The following PRKG1 variants were observed in gnomAD, a reference collection of about 807,000 sequenced individuals.
The protein encoded by PRKG1 is protein kinase cGMP-dependent 1.
PRKG1 carries 35 observed loss-of-function variants against 88.1 expected under a neutral mutation model. The observed-to-expected ratio is 0.40, with a 90% CI of 0.30 to 0.53. The LOEUF (loss-of-function observed/expected upper bound fraction) is 0.53, where lower values mean the gene tolerates loss of function less well. Among genes scored for constraint, PRKG1 ranks in the 20% least tolerant of loss-of-function variants. The pLI, the probability that PRKG1 is intolerant of heterozygous loss-of-function variation, is 0.59. For missense variants in PRKG1, 540 were observed against 839.8 expected (o/e 0.64, Z 4.41); for synonymous variants, 303 against 292.5 (o/e 1.04, Z -0.37).
At chr10:52,011,854 G>C (rs961109762) in intron 5 of PRKG1, among the ~76,000 whole-genome samples, 6 of 152,136 alleles carry the variant, frequency 3.9e-5, no homozygotes, top group African/African-American at 1.4e-4. Flanking sequence ...CTGTTCTCGT[G>C]ATAGTGAATG....
intron 5 of PRKG1, among the ~76,000 whole-genome samples, chr10:51,933,125 T>C (rs1842729560): frequency 6.6e-6 from 1 of 152,126 alleles, no homozygotes. Flanking sequence ...GTGCGGACTA[T>C]ACTGTGTTTC....
intron 7 of PRKG1, among the ~76,000 whole-genome samples, chr10:52,097,383 A>T (rs1025346422): frequency 1.3e-5 from 2 of 152,132 alleles, no homozygotes; most frequent in Admixed American, 1.3e-4. Context: ...GTAACTATTC[A>T]GTAGAATATA....
chr10:51,939,510 T>C (rs1842861422), intron 5 of PRKG1, among the ~76,000 whole-genome samples: 1 of 152,048 alleles, frequency 6.6e-6, no homozygotes, highest in African/African-American at 2.4e-5. Flanking sequence ...TGCTTCTTTA[T>C]ACCATATTAT....
At chr10:51,656,047 C>T (rs1840153233) in intron 3 of PRKG1, among the ~76,000 whole-genome samples, 2 of 152,062 alleles carry the variant, frequency 1.3e-5, no homozygotes. Flanking sequence ...AGAATGTAAG[C>T]AACATCTAGG....
intron 3 of PRKG1, among the ~76,000 whole-genome samples, chr10:51,615,980 A>C (rs939961376): frequency 1.3e-5 from 2 of 152,010 alleles, no homozygotes; most frequent in Admixed American, 1.3e-4. Flanking sequence ...GTAGGGCAGG[A>C]CTTTTTCCTG....
At chr10:52,195,790 A>G (rs905768144) in intron 9 of PRKG1, among the ~76,000 whole-genome samples, 3 of 152,106 alleles carry the variant, frequency 2.0e-5, no homozygotes, top group Non-Finnish European at 4.4e-5. Context: ...TGAATTAATT[A>G]TATTTATGGA....
At chr10:51,004,206 A>G (rs554536497) in intron 1 of PRKG1, among the ~76,000 whole-genome samples, 2 of 152,280 alleles carry the variant, frequency 1.3e-5, no homozygotes, top group East Asian at 1.9e-4. Context: ...GCTCATGCCT[A>G]TAATACCAGC....
intron 2 of PRKG1, among the ~76,000 whole-genome samples, chr10:51,228,336 GCTGCCACA>G (rs1022313828): frequency 4.1e-4 from 62 of 152,270 alleles, no homozygotes; most frequent in African/African-American, 1.4e-3. Flanking sequence ...TTCTGAGGCA[GCTGCCACA>G]CTCTCTTAGT....
At chr10:51,753,371 G>A (rs1837775847) in intron 3 of PRKG1, among the ~76,000 whole-genome samples, 1 of 152,006 alleles carries the variant, frequency 6.6e-6, no homozygotes, top group South Asian at 2.1e-4. Context: ...TTGAATCTAA[G>A]CATAAATTAT....
intron 3 of PRKG1, among the ~76,000 whole-genome samples, chr10:51,704,990 T>G (rs1240129094): frequency 6.6e-6 from 1 of 152,240 alleles, no homozygotes; most frequent in East Asian, 1.9e-4. Context: ...GTGGTTGTTC[T>G]TCCTACATAT....
intron 2 of PRKG1, among the ~76,000 whole-genome samples, chr10:51,289,430 G>T (rs1006006229): frequency 6.6e-6 from 1 of 152,144 alleles, no homozygotes; most frequent in African/African-American, 2.4e-5. Flanking sequence ...GACAACAGTG[G>T]ACTAGAGCCT....
intron 1 of PRKG1, among the ~76,000 whole-genome samples, chr10:51,079,774 AC>A (rs761917387): frequency 1.3e-5 from 2 of 151,932 alleles, no homozygotes; most frequent in Non-Finnish European, 2.9e-5. Context: ...CAGCTTTCTT[AC>A]CCCCACCATC....
At chr10:51,544,000 C>T (rs1364397483) in intron 3 of PRKG1, among the ~76,000 whole-genome samples, 2 of 152,104 alleles carry the variant, frequency 1.3e-5, no homozygotes, top group African/African-American at 4.8e-5. Context: ...GCCACATGTT[C>T]TTCATGTCAC....
intron 9 of PRKG1, among the ~76,000 whole-genome samples, chr10:52,167,988 A>G (rs939705181): frequency 6.6e-6 from 1 of 152,198 alleles, no homozygotes; most frequent in African/African-American, 2.4e-5. Flanking sequence ...CCCTTGGTAT[A>G]CATAAAGATT....
At chr10:51,371,193 A>T (rs1842698744) in intron 2 of PRKG1, among the ~76,000 whole-genome samples, 1 of 151,980 alleles carries the variant, frequency 6.6e-6, no homozygotes, top group Non-Finnish European at 1.5e-5. Context: ...TAATTAGGTG[A>T]CCTTAGGCAA....
chr10:51,736,239 G>T (rs1837276438), intron 3 of PRKG1, among the ~76,000 whole-genome samples: 1 of 151,690 alleles, frequency 6.6e-6, no homozygotes, highest in Non-Finnish European at 1.5e-5. Flanking sequence ...TGGACATAGT[G>T]TCATCTGGCA....
chr10:51,094,809 G>A (rs1844490459), intron 1 of PRKG1, among the ~76,000 whole-genome samples: 1 of 152,104 alleles, frequency 6.6e-6, no homozygotes, highest in South Asian at 2.1e-4. Flanking sequence ...TTGGCTTTAT[G>A]TGTAAGGGTT....
At chr10:51,323,959 A>G (rs1441089512) in intron 2 of PRKG1, among the ~76,000 whole-genome samples, 1 of 152,206 alleles carries the variant, frequency 6.6e-6, no homozygotes, top group Non-Finnish European at 1.5e-5. Flanking sequence ...CTCTAAAAAT[A>G]AAATAAAATA....
At chr10:52,030,997 G>C (rs1480560080) in intron 5 of PRKG1, among the ~76,000 whole-genome samples, 1 of 151,824 alleles carries the variant, frequency 6.6e-6, no homozygotes, top group Non-Finnish European at 1.5e-5. Flanking sequence ...GCCAGAGAAA[G>C]TTTCTAGCCA....
Sources: allele counts gnomAD v4.1 joint callset (sites outside exome capture counted in the v4.1 genomes callset), GRCh38; gene constraint gnomAD v4.1.1; transcripts MANE v1.5; gene names NCBI Gene and HGNC (gene_info 2026-07-23, HGNC 2026-07-21).